RHOBTB1: variants seen among roughly 807,000 people sequenced by gnomAD.
The protein encoded by RHOBTB1 is Rho related BTB domain containing 1.
RHOBTB1 carries 40 observed loss-of-function variants against 71.6 expected under a neutral mutation model. That is an observed-to-expected ratio of 0.56 (90% confidence interval 0.43 to 0.73). The LOEUF (loss-of-function observed/expected upper bound fraction) is 0.73. Ranked by LOEUF, RHOBTB1 falls within the 30% of genes least tolerant of loss-of-function variation. RHOBTB1 has a pLI of 0.00. For synonymous variants in RHOBTB1, 319 were observed against 334.9 expected, an observed-to-expected ratio of 0.95 and a Z score of 0.52; for missense variants, 797 against 894.0, an observed-to-expected ratio of 0.89 and a Z score of 1.38.
At chr10:60,947,233 C>T (rs549431658), upstream of RHOBTB1, among the ~76,000 whole-genome samples, 6 of 152,292 alleles carry the variant, frequency 3.9e-5, no homozygotes, top group South Asian at 1.2e-3. Flanking sequence ...TCATTGCTTG[C>T]TGATAGAATC....
downstream of RHOBTB1, among the ~76,000 whole-genome samples, chr10:60,866,000 T>A (rs2080634249): frequency 6.6e-6 from 1 of 152,026 alleles, no homozygotes; most frequent in African/African-American, 2.4e-5. Context: ...CCCGGCTAAT[T>A]TTTGTATTTT....
chr10:60,986,497 G>GA (rs1255435243), intron 1 of RHOBTB1, among the ~76,000 whole-genome samples: 1 of 147,672 alleles, frequency 6.8e-6, no homozygotes, highest in East Asian at 2.0e-4. Flanking sequence ...ATATGGATTT[G>GA]AATTTCTTGG....
At chr10:60,878,581 A>G (rs1412920099) in intron 7 of RHOBTB1, among the ~76,000 whole-genome samples, 1 of 152,246 alleles carries the variant, frequency 6.6e-6, no homozygotes, top group East Asian at 1.9e-4. Flanking sequence ...TACACAACGT[A>G]TACACTTCAT....
chr10:60,894,377 G>A (rs574672736), intron 4 of RHOBTB1, among the ~76,000 whole-genome samples: 2 of 152,292 alleles, frequency 1.3e-5, no homozygotes, highest in East Asian at 3.9e-4. Flanking sequence ...TAATCTGAAT[G>A]TTCAGAATCA....
intron 1 of RHOBTB1, among the ~76,000 whole-genome samples, chr10:60,986,408 TATATATATATATATATATATATAAA>T (rs1162444575): frequency 3.1e-5 from 4 of 127,254 alleles, no homozygotes; most frequent in East Asian, 4.2e-4. Flanking sequence ...ATAAAAGATA[TATATATATATATATATATATATAAA>T]ATATATATAG....
At chr10:60,881,168 T>A (rs1260969702) in intron 7 of RHOBTB1, among the ~76,000 whole-genome samples, 1 of 152,180 alleles carries the variant, frequency 6.6e-6, no homozygotes, top group African/African-American at 2.4e-5. Context: ...CCTGCTGCCA[T>A]GTAAGATGTG....
chr10:60,937,873 G>A (rs1431158352), intron 2 of RHOBTB1, among the ~76,000 whole-genome samples: 1 of 152,172 alleles, frequency 6.6e-6, no homozygotes, highest in African/African-American at 2.4e-5. Flanking sequence ...TAAGAAGAGA[G>A]CTAACCCTTA....
chr10:60,886,460 T>C (rs1454488002), intron 6 of RHOBTB1, among the ~76,000 whole-genome samples: 4 of 152,158 alleles, frequency 2.6e-5, no homozygotes, highest in Non-Finnish European at 5.9e-5. Flanking sequence ...ACAAACTCTC[T>C]GAACCAGAAA....
intron 4 of RHOBTB1, among the ~76,000 whole-genome samples, chr10:60,909,727 ACTAT>A (rs1454849608): frequency 1.3e-5 from 2 of 152,220 alleles, no homozygotes; most frequent in African/African-American, 4.8e-5. Flanking sequence ...GGAAAAGAAA[ACTAT>A]CTATGATGTA....
At chr10:60,943,048 A>G (rs2084996911) in intron 1 of RHOBTB1, among the ~76,000 whole-genome samples, 1 of 152,044 alleles carries the variant, frequency 6.6e-6, no homozygotes, top group South Asian at 2.1e-4. Flanking sequence ...AACTTCCTAG[A>G]TTTTCCTAGA....
intron 7 of RHOBTB1, among the ~76,000 whole-genome samples, chr10:60,879,801 C>A (rs1382264133): frequency 6.6e-6 from 1 of 152,114 alleles, no homozygotes; most frequent in Non-Finnish European, 1.5e-5. Context: ...CACTTGCACA[C>A]AAACACACAC....
intron 7 of RHOBTB1, among the ~76,000 whole-genome samples, chr10:60,879,057 A>C (rs2081182497): frequency 6.6e-6 from 1 of 152,214 alleles, no homozygotes. Flanking sequence ...TCTGCCCTAG[A>C]GAGAAGGGAC....
chr10:60,910,932 T>C lies in RHOBTB1; in HGVS notation c.251A>G (p.Asp84Gly). 6.2e-7 allele frequency: 1 copy of C among 1,614,048 alleles called. No homozygotes were observed. The highest frequency in any genetic ancestry group is 8.5e-7 in the Non-Finnish European group (1 of 1,180,004). ...DEVSVSLRLW[D>G]TFGDHHKDRR... is the part of the protein sequence containing the mutation. Reference sequence around the variant, plus strand: ...GTCTTTGTGATGATCACCAAAAGTATCCCAAAGCCTGAGAGAAACACTCAC... The same window carrying C: ...GTCTTTGTGATGATCACCAAAAGTACCCCAAAGCCTGAGAGAAACACTCAC... The change falls in exon 4 of 11, where the codon GAT (aspartate) becomes GGT (glycine). Residue 84 changes from aspartate to glycine, a missense_variant. By Grantham distance (94) the Asp-to-Gly change is moderately conservative (BLOSUM62 -1). This residue lies in a region of RHOBTB1 where 139 missense variants were observed against 212.5 expected (regional missense o/e 0.65). Coordinates refer to ENST00000337910, the MANE Select transcript of RHOBTB1 (RefSeq NM_014836.5).
At chr10:60,918,751 C>CTT (rs113890954) in intron 2 of RHOBTB1, among the ~76,000 whole-genome samples, 7,600 of 144,598 alleles carry the variant, frequency 0.053, 357 homozygotes, top group African/African-American at 0.12. Flanking sequence ...TTTTCTTTTT[C>CTT]TTTTTTTTTT....
chr10:60,982,552 C>A (rs1360221427), intron 2 of RHOBTB1, among the ~76,000 whole-genome samples: 1 of 152,124 alleles, frequency 6.6e-6, no homozygotes, highest in African/African-American at 2.4e-5. Flanking sequence ...TATTAGCAAG[C>A]ATCCTTGGCC....
intron 4 of RHOBTB1, among the ~76,000 whole-genome samples, chr10:60,904,370 T>C (rs896412437): frequency 7.9e-5 from 12 of 152,230 alleles, no homozygotes; most frequent in African/African-American, 2.4e-4. Flanking sequence ...ATGATCAAAA[T>C]GGCAAACATT....
chr10:60,951,686 A>C (rs953228430), intron 2 of RHOBTB1, among the ~76,000 whole-genome samples: 36 of 152,224 alleles, frequency 2.4e-4, no homozygotes, highest in African/African-American at 8.7e-4. Context: ...AGAGGCACGG[A>C]AGCTTCATGC....
At chr10:60,970,431 T>C (rs549334367) in intron 2 of RHOBTB1, among the ~76,000 whole-genome samples, 1 of 152,212 alleles carries the variant, frequency 6.6e-6, no homozygotes, top group African/African-American at 2.4e-5. Context: ...TTTTTCCTTT[T>C]TAGTTCCTTA....
rs147011229 is a variant in RHOBTB1 at position 60,923,814 on chromosome 10, G to T, written c.-10-12262C>A. On this transcript the variant is annotated intron_variant, in intron 2 of 10. Transcript: ENST00000337910. ...TGTAAAGAGTTTCTGCTTTCACTTG[G>T]ATCTCATTTTTTTCCTTGTCTGCCT... 1.6e-4 allele frequency among the ~76,000 whole-genome samples: 24 copies of T among 152,194 alleles called. No individual in the cohort carries two copies. In the East Asian group the frequency reaches 3.9e-3, roughly 24 times the overall value.
Sources: allele counts gnomAD v4.1 joint callset (sites outside exome capture counted in the v4.1 genomes callset), GRCh38; gene constraint gnomAD v4.1.1; regional missense constraint gnomAD v4.1.1; transcripts MANE v1.5; gene names NCBI Gene and HGNC (gene_info 2026-07-23, HGNC 2026-07-21).